The following KLHL25 variants were observed in gnomAD, a reference collection of about 807,000 sequenced individuals.
KLHL25 encodes kelch-like protein 25.
A neutral mutation model predicts 30.0 loss-of-function variants in KLHL25; 41 were observed. That is an observed-to-expected ratio of 1.37 (90% CI 1.07 to 1.78). KLHL25 has a LOEUF of 1.78. Ranked by LOEUF, KLHL25 falls within the 40% of genes most tolerant of loss-of-function variation. The pLI, the probability that KLHL25 is intolerant of heterozygous loss-of-function variation, is 0.00. For missense variants in KLHL25, 971 were observed against 824.5 expected (o/e 1.18, Z -2.18); for synonymous variants, 399 against 355.3 (o/e 1.12, Z -1.38).
In KLHL25 at chr15:85,769,373, G is replaced by C; in HGVS notation, c.438C>G (p.Pro146=). ...AAEFLEKNLF[P]SNCLGMMLLS... The stretch of plus-strand genomic sequence containing the variant: ...GCAGCATCATGCCCAGGCAGTTGGA[G>C]GGGAAAAGGTTCTTCTCCAGGAACT... Residue 146 remains proline (P), a synonymous_variant, in exon 2 of 3, where the codon CCC becomes CCG. Coordinates refer to ENST00000337975, the MANE Select transcript of KLHL25 (RefSeq NM_022480.4). 1 of 1,614,170 alleles carries C rather than the reference G, an allele frequency of 6.2e-7. No individual in the cohort carries two copies. Among genetic ancestry groups the C allele is most frequent in the Non-Finnish European group, 8.5e-7 (1 of 1,180,022 alleles).
chr15:85,770,796 T>C (rs1160617525), intron 1 of KLHL25, among the ~76,000 whole-genome samples: 3 of 152,166 alleles, frequency 2.0e-5, no homozygotes, highest in African/African-American at 7.2e-5. Context: ...CCTGCCCTTC[T>C]CCACCAGGCC....
rs374297361 is a variant in KLHL25, at chr15:85,776,003, C to T, written c.-10-6183G>A. On this transcript the variant is annotated intron_variant, in intron 1 of 2. Transcript: ENST00000337975. Reference sequence around the variant, plus strand: ...CCTGGCCAACATGGTGAAACCCCGTCTCTACTAAAAATACAAAAAATTACC... The same window carrying T: ...CCTGGCCAACATGGTGAAACCCCGTTTCTACTAAAAATACAAAAAATTACC... Among the ~76,000 whole-genome samples, 30 of 151,412 alleles carry T rather than the reference C, an allele frequency of 2.0e-4. No individual in the cohort carries two copies. The East Asian group carries it at 5.2e-3, about 26-fold the overall frequency.
rs1205163589 is a variant in KLHL25 at position 85,789,913 on chromosome 15, C to G, written c.-11+4853G>C. On this transcript the variant is annotated intron_variant, in intron 1 of 2. Transcript: ENST00000337975. The surrounding 1 kb of genome is among the most constrained non-coding windows in gnomAD (Gnocchi z 4.1). ...TGCCAGAGGCTCAAGGAGAACAGCC[C>G]CGTCCCTTTGGAGTTACTGGGAAAA... 6.6e-6 allele frequency among the ~76,000 whole-genome samples: 1 copy of G among 152,174 alleles called. No individual in the cohort carries two copies. The highest frequency in any genetic ancestry group is 2.1e-4 in the South Asian group (1 of 4,834).
chr15:85,791,719 A>T (rs1401703490), intron 1 of KLHL25, among the ~76,000 whole-genome samples: 1 of 152,136 alleles, frequency 6.6e-6, no homozygotes, highest in Non-Finnish European at 1.5e-5. Flanking sequence ...ACAAAAACAA[A>T]AAAGGGAAAG....
intron 1 of KLHL25, among the ~76,000 whole-genome samples, chr15:85,791,198 A>AAAAAT (rs2089814359): frequency 6.7e-6 from 1 of 150,300 alleles, no homozygotes; most frequent in South Asian, 2.1e-4. Flanking sequence ...CAGTCTCAAA[A>AAAAAT]AAAAAAAAAG....
chr15:85,779,656 C>G (rs1417893495), intron 1 of KLHL25, among the ~76,000 whole-genome samples: 3 of 152,188 alleles, frequency 2.0e-5, no homozygotes, highest in Non-Finnish European at 4.4e-5. Context: ...ACTGGTTTTA[C>G]CTCAACTTTT....
intron 1 of KLHL25, among the ~76,000 whole-genome samples, chr15:85,794,411 T>G (rs1445813456): frequency 6.6e-6 from 1 of 152,194 alleles, no homozygotes; most frequent in Non-Finnish European, 1.5e-5. Context: ...CTTTCCAGGA[T>G]CAATAGTAAT....
intron 2 of KLHL25, chr15:85,761,755 T>C (rs893414901): frequency 6.6e-6 from 1 of 152,276 alleles, no homozygotes; most frequent in Non-Finnish European, 1.5e-5. Flanking sequence ...CGGAGCACTC[T>C]AGCAACCCTG....
rs774783250 is a variant in KLHL25, at chr15:85,769,766, C to T, written c.45G>A (p.Thr15=). 2.2e-5 allele frequency: 36 copies of T among 1,612,964 alleles called. No homozygotes were observed. Among genetic ancestry groups the T allele is most frequent in the South Asian group, 6.6e-5 (6 of 91,082 alleles). The stretch of plus-strand genomic sequence containing the variant: ...GGAAGAGGGTGACGTTCATGGACCC[C>T]GTGCTGCTCCGCGACTTGCGGGTCT... The part of the protein sequence containing the change: ...VHETRKSRSS[T]GSMNVTLFHK... Residue 15 remains threonine (T), a synonymous_variant, in exon 2 of 3, where the codon ACG becomes ACA. Transcript: ENST00000337975.
At chr15:85,779,666 T>C (rs1404245524) in intron 1 of KLHL25, among the ~76,000 whole-genome samples, 1 of 152,240 alleles carries the variant, frequency 6.6e-6, no homozygotes, top group Non-Finnish European at 1.5e-5. Flanking sequence ...CCTCAACTTT[T>C]CACAGAGTTG....
chr15:85,785,101 T>C (rs1597280833), intron 1 of KLHL25, among the ~76,000 whole-genome samples: 1 of 150,612 alleles, frequency 6.6e-6, no homozygotes, highest in Admixed American at 6.6e-5. Context: ...TTTCTTTTTT[T>C]TTTTTTTTCT....
intron 1 of KLHL25, chr15:85,770,692 C>T: frequency 2.6e-6 from 1 of 390,262 alleles, no homozygotes; most frequent in Non-Finnish European, 5.3e-6. Context: ...AGATTTGCCT[C>T]AGCAAAGCAG....
At chr15:85,785,940 G>A (rs936684966) in intron 1 of KLHL25, among the ~76,000 whole-genome samples, 1 of 151,774 alleles carries the variant, frequency 6.6e-6, no homozygotes, top group Non-Finnish European at 1.5e-5. Flanking sequence ...AGTGGGACAG[G>A]AGCCCAGCAA....
chr15:85,764,837 TA>T (rs1485637363), intron 2 of KLHL25, among the ~76,000 whole-genome samples: 2 of 152,206 alleles, frequency 1.3e-5, no homozygotes, highest in Non-Finnish European at 2.9e-5. Flanking sequence ...GTGCTATGAG[TA>T]ATACAATTTC....
chr15:85,764,111 A>G (rs1179832698), intron 2 of KLHL25: 1 of 152,296 alleles, frequency 6.6e-6, no homozygotes, highest in Non-Finnish European at 1.5e-5. Flanking sequence ...CTCTGCTTGC[A>G]GCCACTGTGG....
intron 1 of KLHL25, among the ~76,000 whole-genome samples, chr15:85,779,395 G>A (rs1470845549): frequency 6.6e-6 from 1 of 152,162 alleles, no homozygotes; most frequent in African/African-American, 2.4e-5. Context: ...ACACAGCTTA[G>A]TTCTTGGGGA....
rs745623168 is a variant in KLHL25, at chr15:85,768,295, C to T, written c.1516G>A (p.Ala506Thr). 5.0e-6 allele frequency: 8 copies of T among 1,614,020 alleles called. No homozygotes were observed. Among genetic ancestry groups the T allele is most frequent in the South Asian group, 1.1e-5 (1 of 91,086 alleles). The change falls in exon 2 of 3, where the codon GCC (alanine) becomes ACC (threonine). Residue 506 changes from alanine to threonine, a missense_variant. Physicochemically the swap from Ala to Thr is moderately conservative, Grantham distance 58. Coordinates refer to ENST00000337975, the MANE Select transcript of KLHL25 (RefSeq NM_022480.4). The stretch of plus-strand genomic sequence containing the variant: ...TCACAGTCAAAGCGGTAGGCCGAGG[C>T]GGCTGTGAATTCCGTGTCACCTCCC... ...IMGGDTEFTA[A>T]SAYRFDCETN...
rs750074372 is a variant in KLHL25, at chr15:85,769,575, A to C, written c.236T>G (p.Leu79Arg). Residue 79 changes from leucine to arginine, a missense_variant, in exon 2 of 3, where the codon CTT (leucine) becomes CGT (arginine). By Grantham distance (102) the Leu-to-Arg change is moderately radical. Coordinates refer to ENST00000337975, the MANE Select transcript of KLHL25 (RefSeq NM_022480.4). ...RYFEAMFSHG[L>R]RESRDDTVNF... ...GACAGTGTCATCCCGGCTCTCCCGA[A>C]GGCCATGGCTGAACATGGCCTCAAA... is the stretch of plus-strand genomic sequence containing the variant. 1 of 1,613,806 alleles carries C rather than the reference A, an allele frequency of 6.2e-7. No individual in the cohort carries two copies.
In KLHL25 at chr15:85,768,930, C is replaced by T. The variant is rs1187686856; in HGVS notation, c.881G>A (p.Gly294Asp). ...GCCCCCCAGGATGAGTAGCGTGTGG[C>T]CCGCCTTGCGTGGCCGGGCACAGGG... ...TSPCARPRKA[G>D]HTLLILGGQT... The change falls in exon 2 of 3, where the codon GGC (glycine) becomes GAC (aspartate). Residue 294 changes from glycine to aspartate, a missense_variant. Physicochemically the swap from Gly to Asp is moderately conservative, Grantham distance 94. Transcript: ENST00000337975. 3.7e-6 allele frequency: 6 copies of T among 1,613,216 alleles called. No individual in the cohort carries two copies. Among genetic ancestry groups the T allele is most frequent in the Non-Finnish European group, 5.1e-6 (6 of 1,180,050 alleles).
Sources: allele counts gnomAD v4.1 joint callset (sites outside exome capture counted in the v4.1 genomes callset), GRCh38; gene constraint gnomAD v4.1.1; non-coding constraint Gnocchi (gnomAD v3.1); transcripts MANE v1.5; gene names NCBI Gene and HGNC (gene_info 2026-07-23, HGNC 2026-07-21).